Variants in ESRRG observed in about 807,000 individuals in gnomAD.
ESRRG encodes estrogen related receptor gamma.
A neutral mutation model predicts 44.0 loss-of-function variants in ESRRG; 13 were observed. That is an observed-to-expected ratio of 0.30 (90% confidence interval 0.19 to 0.47). The LOEUF is 0.47. Ranked by LOEUF, ESRRG falls within the 20% of genes least tolerant of loss-of-function variation. The pLI is 1.00. For synonymous variants in ESRRG, 215 were observed against 214.6 expected (o/e 1.00, Z -0.02); for missense variants, 395 against 580.6 (o/e 0.68, Z 3.29).
chr1:216,614,084 G>T (rs2061054864), intron 3 of ESRRG, among the ~76,000 whole-genome samples: 4 of 152,324 alleles, frequency 2.6e-5, no homozygotes, highest in Admixed American at 2.6e-4. Flanking sequence ...AGATCAAAGA[G>T]AGACGATTTA....
At chr1:216,592,487 T>C (rs1209815778) in intron 3 of ESRRG, among the ~76,000 whole-genome samples, 1 of 152,068 alleles carries the variant, frequency 6.6e-6, no homozygotes, top group East Asian at 1.9e-4. Flanking sequence ...AATTTCAAGA[T>C]GGTGCTGTCA....
At chr1:216,983,946 T>A (rs911013050) in intron 1 of ESRRG, among the ~76,000 whole-genome samples, 4 of 150,496 alleles carry the variant, frequency 2.7e-5, no homozygotes, top group Non-Finnish European at 5.9e-5. Context: ...TAACCTGCAA[T>A]CCTTCTCAGA....
chr1:217,064,107 T>C (rs11117763), intron 1 of ESRRG, among the ~76,000 whole-genome samples: 25,912 of 151,932 alleles, frequency 0.17, 2,308 homozygotes, highest in Middle Eastern at 0.26. Context: ...GTTTAGTATA[T>C]GTGTGTGTTT....
At chr1:216,776,053 C>A (rs1282648678) in intron 2 of ESRRG, among the ~76,000 whole-genome samples, 1 of 152,022 alleles carries the variant, frequency 6.6e-6, no homozygotes, top group Non-Finnish European at 1.5e-5. Context: ...AAATGGAGAG[C>A]TCTTCTTATC....
At position 216,977,535 on chromosome 1, in the gene ESRRG, G is replaced by T. The variant is rs771148114; in HGVS notation, c.-105-37862C>A. Among the ~76,000 whole-genome samples the T allele has an allele frequency of 2.0e-5, 3 of 152,212 alleles. No individual in the cohort carries two copies. The East Asian group carries it at 5.8e-4, about 29-fold the overall frequency. Reference sequence around the variant, plus strand: ...GGGAAGCTGTAACCCTTACTGAATAGAAGAAATAGAAGCACAGACAATAAG... The same window carrying T: ...GGGAAGCTGTAACCCTTACTGAATATAAGAAATAGAAGCACAGACAATAAG... On this transcript the variant is annotated intron_variant, in intron 1 of 7. Coordinates refer to the ESRRG transcript ENST00000359162.
At chr1:216,861,933 A>G (rs2149103001) in intron 2 of ESRRG, among the ~76,000 whole-genome samples, 1 of 152,326 alleles carries the variant, frequency 6.6e-6, no homozygotes, top group Admixed American at 6.5e-5. Flanking sequence ...ATAAATGAGC[A>G]CATGAAAGAT....
chr1:216,801,055 T>C (rs1559689764), intron 2 of ESRRG, among the ~76,000 whole-genome samples: 1 of 152,182 alleles, frequency 6.6e-6, no homozygotes, highest in Admixed American at 6.6e-5. Context: ...ATGGTTACCA[T>C]AATGGAGCAA....
chr1:216,739,262 G>A (rs577420408), intron 2 of ESRRG, among the ~76,000 whole-genome samples: 27 of 96,748 alleles, frequency 2.8e-4, no homozygotes, highest in African/African-American at 8.8e-4. Flanking sequence ...ATTCATTAAA[G>A]TGAAAAAAAA....
intron 1 of ESRRG, among the ~76,000 whole-genome samples, chr1:217,051,285 C>A (rs915616030): frequency 2.7e-5 from 4 of 149,242 alleles, no homozygotes; most frequent in African/African-American, 7.4e-5. Flanking sequence ...TAGGTATTAT[C>A]CTGAAGAAAG....
intron 1 of ESRRG, among the ~76,000 whole-genome samples, chr1:217,120,930 A>G (rs988944831): frequency 6.6e-6 from 1 of 152,180 alleles, no homozygotes; most frequent in South Asian, 2.1e-4. Flanking sequence ...TAAGCTCCAC[A>G]TGGGCAAGGA....
intron 1 of ESRRG, among the ~76,000 whole-genome samples, chr1:217,007,767 T>C (rs556071500): frequency 8.5e-5 from 13 of 152,276 alleles, no homozygotes; most frequent in African/African-American, 2.6e-4. Flanking sequence ...CTGATGCTTA[T>C]TCACTATATA....
intron 1 of ESRRG, among the ~76,000 whole-genome samples, chr1:216,694,399 T>C (rs573338226): frequency 6.6e-6 from 1 of 152,096 alleles, no homozygotes; most frequent in East Asian, 1.9e-4. Flanking sequence ...AGAAGTCCAT[T>C]GGGGCCAGAT....
chr1:216,971,876 C>T (rs1238306911), intron 1 of ESRRG, among the ~76,000 whole-genome samples: 2 of 152,142 alleles, frequency 1.3e-5, no homozygotes, highest in African/African-American at 4.8e-5. Context: ...TATCTCTTTT[C>T]CTTCAGCTAC....
At chr1:216,721,620 T>C (rs1463033520) in intron 1 of ESRRG, among the ~76,000 whole-genome samples, 1 of 152,214 alleles carries the variant, frequency 6.6e-6, no homozygotes, top group Admixed American at 6.5e-5. Context: ...AAATTAGCTA[T>C]AAGAAGTTAA....
intron 2 of ESRRG, among the ~76,000 whole-genome samples, chr1:216,830,766 T>A (rs1305178806): frequency 6.6e-6 from 1 of 151,930 alleles, no homozygotes; most frequent in Non-Finnish European, 1.5e-5. Context: ...AATAGATTTT[T>A]AAAAAATAAC....
chr1:216,627,861 G>C (rs2063452900), intron 3 of ESRRG, among the ~76,000 whole-genome samples: 1 of 152,046 alleles, frequency 6.6e-6, no homozygotes, highest in African/African-American at 2.4e-5. Flanking sequence ...AAACTATTAG[G>C]AGAATGAAAG....
chr1:216,968,386 C>T (rs893239233), intron 1 of ESRRG, among the ~76,000 whole-genome samples: 4 of 152,116 alleles, frequency 2.6e-5, no homozygotes, highest in African/African-American at 9.7e-5. Context: ...GTATATGACA[C>T]ATTTTGAGTT....
chr1:217,112,155 A>G (rs2092668615), intron 1 of ESRRG, among the ~76,000 whole-genome samples: 1 of 152,202 alleles, frequency 6.6e-6, no homozygotes, highest in Non-Finnish European at 1.5e-5. Flanking sequence ...AGAACTATCC[A>G]GCCAAACACT....
intron 4 of ESRRG, among the ~76,000 whole-genome samples, chr1:216,567,757 TA>T (rs1396284439): frequency 6.6e-6 from 1 of 151,964 alleles, no homozygotes; most frequent in Non-Finnish European, 1.5e-5. Flanking sequence ...ATGACTAGGT[TA>T]AAAAAAGGCT....
Sources: gnomAD v4.1 joint callset for allele counts (sites outside exome capture counted in the v4.1 genomes callset) on GRCh38, gnomAD v4.1.1 for gene constraint, MANE v1.5 for transcripts, NCBI Gene and HGNC (gene_info 2026-07-23, HGNC 2026-07-21) for gene names.